The following GNAQ variants were observed in gnomAD, a reference collection of about 807,000 sequenced individuals.
GNAQ encodes the protein G protein subunit alpha q.
In GNAQ, 8 loss-of-function variants were observed where a neutral mutation model predicts 43.9. That is an observed-to-expected ratio of 0.18 (90% CI 0.11 to 0.33). The LOEUF is 0.33. Among genes scored for constraint, GNAQ ranks in the 10% least tolerant of loss-of-function variants. The pLI is 1.00. For missense variants in GNAQ, 158 were observed against 450.8 expected (o/e 0.35, Z 5.88); for synonymous variants, 155 against 170.7 (o/e 0.91, Z 0.71).
intron 3 of GNAQ, among the ~76,000 whole-genome samples, chr9:77,810,719 A>C (rs1478419375): frequency 6.6e-6 from 1 of 152,216 alleles, no homozygotes; most frequent in Non-Finnish European, 1.5e-5. Flanking sequence ...TTCGTGAAAC[A>C]ATCACTTCTA....
intron 2 of GNAQ, among the ~76,000 whole-genome samples, chr9:77,906,656 T>C (rs574662715): frequency 9.8e-5 from 15 of 152,294 alleles, no homozygotes; most frequent in Non-Finnish European, 2.1e-4. Flanking sequence ...CTGAAAAGAC[T>C]TTTTTTGTAA....
chr9:77,961,929 C>T (rs1452069857), intron 1 of GNAQ, among the ~76,000 whole-genome samples: 3 of 152,058 alleles, frequency 2.0e-5, no homozygotes, highest in African/African-American at 7.3e-5. Context: ...TTAGGTTCCA[C>T]CACCTCAAGA....
chr9:78,029,100 T>TTAAG (rs1824017385), intron 1 of GNAQ, among the ~76,000 whole-genome samples: 1 of 152,158 alleles, frequency 6.6e-6, no homozygotes, highest in African/African-American at 2.4e-5. Context: ...CAGTATGGAA[T>TTAAG]TAAGCATCCA....
At chr9:77,854,239 A>G (rs961177288) in intron 2 of GNAQ, among the ~76,000 whole-genome samples, 16 of 152,190 alleles carry the variant, frequency 1.1e-4, no homozygotes, top group Non-Finnish European at 1.5e-4. Context: ...AAAGACTATT[A>G]AAGATACAAT....
intron 2 of GNAQ, among the ~76,000 whole-genome samples, chr9:77,878,320 A>G (rs183870163): frequency 6.6e-6 from 1 of 151,776 alleles, no homozygotes; most frequent in East Asian, 1.9e-4. Context: ...GGCCCAGGGT[A>G]ATGGCAGAAA....
At chr9:78,006,356 C>T (rs796664246) in intron 1 of GNAQ, among the ~76,000 whole-genome samples, 13 of 152,238 alleles carry the variant, frequency 8.5e-5, no homozygotes, top group African/African-American at 2.9e-4. Context: ...GATCTCAATT[C>T]AGTAGGACTG....
chr9:77,851,794 C>T (rs548208891), intron 2 of GNAQ, among the ~76,000 whole-genome samples: 46 of 150,822 alleles, frequency 3.0e-4, no homozygotes, highest in African/African-American at 1.1e-3. Context: ...GCTGCAAAGA[C>T]CCCTTTTCTT....
chr9:77,916,526 G>A (rs1273461700), intron 2 of GNAQ, among the ~76,000 whole-genome samples: 1 of 152,150 alleles, frequency 6.6e-6, no homozygotes, highest in African/African-American at 2.4e-5. Flanking sequence ...TTCAGAAAGT[G>A]TCAAATGTGT....
At chr9:77,919,804 T>C (rs1828969004) in intron 2 of GNAQ, among the ~76,000 whole-genome samples, 1 of 152,166 alleles carries the variant, frequency 6.6e-6, no homozygotes, top group South Asian at 2.1e-4. Context: ...ATGATGTCAA[T>C]TTATAACTGA....
intron 5 of GNAQ, among the ~76,000 whole-genome samples, chr9:77,740,373 A>G (rs2118256687): frequency 6.6e-6 from 1 of 152,328 alleles, no homozygotes; most frequent in Middle Eastern, 3.4e-3. Flanking sequence ...TCTACCCACC[A>G]AAGACTGTAA....
chr9:77,860,417 G>T (rs1421057961), intron 2 of GNAQ, among the ~76,000 whole-genome samples: 1 of 152,162 alleles, frequency 6.6e-6, no homozygotes, highest in African/African-American at 2.4e-5. Context: ...CACCCCAGGG[G>T]GTATTCTGTT....
intron 1 of GNAQ, among the ~76,000 whole-genome samples, chr9:77,988,503 G>A (rs1823470112): frequency 6.6e-6 from 1 of 152,188 alleles, no homozygotes. Context: ...TTCTTTTGAA[G>A]AAGTATTATC....
chr9:77,847,370 G>A (rs1827603932), intron 2 of GNAQ, among the ~76,000 whole-genome samples: 1 of 152,204 alleles, frequency 6.6e-6, no homozygotes, highest in East Asian at 1.9e-4. Context: ...CTGCTATTCA[G>A]TGTGCCTTCC....
intron 1 of GNAQ, among the ~76,000 whole-genome samples, chr9:77,979,995 CA>C (rs1823349895): frequency 6.6e-6 from 1 of 151,998 alleles, no homozygotes; most frequent in African/African-American, 2.4e-5. Flanking sequence ...TTCCTAGAGA[CA>C]AATTAATTTA....
chr9:77,820,087 C>CAAAAAAAA (rs3083136), intron 2 of GNAQ, among the ~76,000 whole-genome samples: 4 of 104,988 alleles, frequency 3.8e-5, no homozygotes, highest in Non-Finnish European at 5.5e-5. Flanking sequence ...ATTTAAAATG[C>CAAAAAAAA]AAAAAAAAAA....
chr9:77,871,441 T>A (rs1828037205), intron 2 of GNAQ, among the ~76,000 whole-genome samples: 1 of 152,232 alleles, frequency 6.6e-6, no homozygotes, highest in African/African-American at 2.4e-5. Context: ...ACACCCAGAC[T>A]GGTTTAAATT....
At chr9:77,822,346 T>C (rs1456731160) in intron 2 of GNAQ, among the ~76,000 whole-genome samples, 13 of 152,190 alleles carry the variant, frequency 8.5e-5, no homozygotes, top group African/African-American at 1.9e-4. Context: ...CCTGGCATAA[T>C]AGGTAAATGC....
intron 2 of GNAQ, among the ~76,000 whole-genome samples, chr9:77,887,061 G>A (rs1376958433): frequency 6.6e-6 from 1 of 152,114 alleles, no homozygotes; most frequent in Non-Finnish European, 1.5e-5. Context: ...GGTGGAAGTT[G>A]TAGTGAGCCA....
intron 1 of GNAQ, among the ~76,000 whole-genome samples, chr9:77,957,305 GA>G (rs1823053328): frequency 6.6e-6 from 1 of 151,942 alleles, no homozygotes; most frequent in Admixed American, 6.6e-5. Context: ...GCAGTGAGCT[GA>G]GATTCCGCCA....
Sources: gnomAD v4.1 joint callset for allele counts (sites outside exome capture counted in the v4.1 genomes callset) on GRCh38, gnomAD v4.1.1 for gene constraint, MANE v1.5 for transcripts, NCBI Gene and HGNC (gene_info 2026-07-23, HGNC 2026-07-21) for gene names.